DLGAP2: variants seen among roughly 807,000 people sequenced by gnomAD.
DLGAP2 encodes disks large-associated protein 2.
Under a neutral mutation model 100.3 loss-of-function variants are expected in DLGAP2, and 26 were observed. The observed-to-expected ratio is 0.26, with a 90% CI of 0.19 to 0.36. DLGAP2 has a LOEUF of 0.36. Ranked by LOEUF, DLGAP2 falls within the 10% of genes least tolerant of loss-of-function variation. The pLI, the probability that DLGAP2 is intolerant of heterozygous loss-of-function variation, is 1.00. For missense variants in DLGAP2, 1,858 were observed against 1,453.2 expected (o/e 1.28, Z -4.53); for synonymous variants, 886 against 630.1 (o/e 1.41, Z -6.08).
Position 1,701,208 on chromosome 8 carries a change from T to G in DLGAP2, c.2970T>G (p.Pro990=), listed in dbSNP as rs1224452692. 1.3e-6 allele frequency: 2 copies of G among 1,568,652 alleles called. No homozygotes were observed. Residue 990 remains proline (P), a synonymous_variant, in exon 15 of 15, where the codon CCT becomes CCG. Coordinates refer to ENST00000637795, the MANE Select transcript of DLGAP2 (RefSeq NM_001346810.2). ...TTCAGGAAGAAAGAAAGGTCCCGCC[T>G]CCAATACCAAAGAAGCCTCCCAAGG... The part of the protein sequence containing the change: ...PERKEERKVP[P]PIPKKPPKGK...
intron 2 of DLGAP2, among the ~76,000 whole-genome samples, chr8:1,224,507 C>T (rs557277657): frequency 4.6e-5 from 7 of 151,486 alleles, no homozygotes; most frequent in African/African-American, 1.5e-4. Context: ...AAGAGTAGAC[C>T]AGAAATTAAT....
At chr8:917,682 A>C (rs898630636) in intron 2 of DLGAP2, among the ~76,000 whole-genome samples, 2 of 152,090 alleles carry the variant, frequency 1.3e-5, no homozygotes, top group Non-Finnish European at 2.9e-5. Context: ...CCAGGTTCAA[A>C]TCATTCTCCT....
intron 6 of DLGAP2, among the ~76,000 whole-genome samples, chr8:1,624,947 A>G (rs1447622440): frequency 6.6e-6 from 1 of 151,666 alleles, no homozygotes; most frequent in Non-Finnish European, 1.5e-5. Flanking sequence ...TATGTTATAC[A>G]TTTTCTTTTA....
chr8:1,132,506 C>G (rs982510370), intron 2 of DLGAP2, among the ~76,000 whole-genome samples: 3 of 152,210 alleles, frequency 2.0e-5, no homozygotes, highest in Non-Finnish European at 4.4e-5. Flanking sequence ...ACAAAACTCA[C>G]TGGTAGTTTT....
chr8:1,322,291 GA>G (rs1334588538), intron 3 of DLGAP2, among the ~76,000 whole-genome samples: 1 of 152,168 alleles, frequency 6.6e-6, no homozygotes, highest in East Asian at 1.9e-4. Flanking sequence ...CAAGCATACT[GA>G]AAAAACTTCG....
intron 3 of DLGAP2, among the ~76,000 whole-genome samples, chr8:1,264,580 C>G (rs1015177989): frequency 1.3e-5 from 2 of 152,250 alleles, no homozygotes; most frequent in South Asian, 4.1e-4. Flanking sequence ...GTTCCAGAAT[C>G]AGTTATGATT....
chr8:1,507,169 C>T (rs550048334), intron 4 of DLGAP2, among the ~76,000 whole-genome samples: 2 of 152,364 alleles, frequency 1.3e-5, no homozygotes, highest in East Asian at 3.9e-4. Context: ...CTCCTCAGCC[C>T]TTGGAGGGTC....
chr8:1,632,946 C>T lies in DLGAP2; in HGVS notation c.1710C>T (p.His570=). ...CGGGATGTTTCCGAACAAGGAGTCACAGCTACCTTCGAGCCATTCAAGCCG... is the reference window on the plus strand; with the variant it reads ...CGGGATGTTTCCGAACAAGGAGTCATAGCTACCTTCGAGCCATTCAAGCCG... ...DLPGCFRTRS[H]SYLRAIQAGY... The change falls in exon 8 of 15, where the codon CAC becomes CAT. Residue 570 remains histidine, a synonymous_variant. Transcript: ENST00000637795. The T allele has an allele frequency of 1.2e-6, 2 of 1,614,006 alleles. No individual in the cohort carries two copies. Among genetic ancestry groups the T allele is most frequent in the Non-Finnish European group, 8.5e-7 (1 of 1,179,906 alleles).
At position 1,007,636 on chromosome 8, in the gene DLGAP2, G is replaced by T. The variant is rs149961068; in HGVS notation, c.73+99670G>T. ...TTCTCTATGGGTAGTTTTTTTTTTT[G>T]GGGGGGGGATCTTCTGTGAGTCAAC... On this transcript the variant is annotated intron_variant, in intron 2 of 14. Coordinates refer to ENST00000637795, the MANE Select transcript of DLGAP2 (RefSeq NM_001346810.2). Among the ~76,000 whole-genome samples, 29 of 137,440 alleles carry T rather than the reference G, an allele frequency of 2.1e-4. 1 individual carries two copies. Among genetic ancestry groups the T allele is most frequent in the East Asian group, 7.1e-4 (3 of 4,254 alleles). 90.2% of individuals were successfully genotyped at this position (137,440 alleles called of 152,430 possible). A position where few individuals can be genotyped will look rare whatever the true frequency, so the allele number is the denominator to read the frequency against.
At chr8:1,370,476 C>T (rs1585307792) in intron 3 of DLGAP2, among the ~76,000 whole-genome samples, 1 of 152,198 alleles carries the variant, frequency 6.6e-6, no homozygotes, top group Non-Finnish European at 1.5e-5. Context: ...GCATTCCACT[C>T]TCCTTTATCT....
At chr8:1,588,741 A>G (rs1382700204) in intron 6 of DLGAP2, among the ~76,000 whole-genome samples, 1 of 60,822 alleles carries the variant, frequency 1.6e-5, no homozygotes, top group African/African-American at 6.4e-5. Flanking sequence ...TCTTTACTAA[A>G]AAAAAAAAAA....
intron 10 of DLGAP2, among the ~76,000 whole-genome samples, chr8:1,670,259 A>G (rs948712077): frequency 2.0e-5 from 3 of 152,324 alleles, no homozygotes; most frequent in African/African-American, 7.2e-5. Context: ...ATAATTTTGG[A>G]AACTCATACA....
At chr8:1,469,144 G>A (rs187808872) in intron 3 of DLGAP2, among the ~76,000 whole-genome samples, 264 of 152,316 alleles carry the variant, frequency 1.7e-3, no homozygotes, top group Middle Eastern at 0.01. Context: ...TGGGATGTGA[G>A]CACCAGGCAG....
At chr8:742,931 A>C (rs1229092251) in intron 1 of DLGAP2, among the ~76,000 whole-genome samples, 2 of 152,220 alleles carry the variant, frequency 1.3e-5, no homozygotes, top group African/African-American at 4.8e-5. Flanking sequence ...TAAAGTGATA[A>C]GAATGGTGCA....
chr8:805,713 T>A (rs1206819786), intron 1 of DLGAP2, among the ~76,000 whole-genome samples: 1 of 152,194 alleles, frequency 6.6e-6, no homozygotes, highest in Non-Finnish European at 1.5e-5. Context: ...CAATCATCCC[T>A]TCTCAGCCTC....
At chr8:1,496,587 A>C (rs1365805339) in intron 3 of DLGAP2, among the ~76,000 whole-genome samples, 1 of 152,100 alleles carries the variant, frequency 6.6e-6, no homozygotes, top group Non-Finnish European at 1.5e-5. Flanking sequence ...AACGTGGCGC[A>C]CCCAGCACAG....
chr8:1,510,254 G>C (rs1800112541), intron 4 of DLGAP2, among the ~76,000 whole-genome samples: 1 of 152,244 alleles, frequency 6.6e-6, no homozygotes, highest in African/African-American at 2.4e-5. Context: ...ATAACTTGCT[G>C]ATGTGTTTGG....
At chr8:1,501,768 G>A (rs1197550023) in intron 4 of DLGAP2, among the ~76,000 whole-genome samples, 4 of 152,082 alleles carry the variant, frequency 2.6e-5, no homozygotes, top group Non-Finnish European at 2.9e-5. Flanking sequence ...GGGTGTTCCC[G>A]CATTTGCATT....
chr8:1,410,440 C>A (rs970458254), intron 3 of DLGAP2, among the ~76,000 whole-genome samples: 6 of 152,210 alleles, frequency 3.9e-5, no homozygotes, highest in African/African-American at 1.4e-4. Flanking sequence ...CCCCTCAGTT[C>A]ACATAATTCT....
Sources: gnomAD v4.1 joint callset for allele counts (sites outside exome capture counted in the v4.1 genomes callset) on GRCh38, gnomAD v4.1.1 for gene constraint, MANE v1.5 for transcripts, NCBI Gene and HGNC (gene_info 2026-07-23, HGNC 2026-07-21) for gene names.